LGMN: variants seen among roughly 807,000 people sequenced by gnomAD.
LGMN encodes legumain, also known as asparaginyl endopeptidase.
Under a neutral mutation model 56.8 loss-of-function variants are expected in LGMN, and 36 were observed. The ratio of observed to expected loss-of-function variants is 0.63; its 90% CI spans 0.49 to 0.84. LGMN has a LOEUF of 0.84. LGMN is among the 40% of genes least tolerant of loss of function. LGMN has a pLI of 0.00. For synonymous variants in LGMN, 199 were observed against 210.1 expected (o/e 0.95, Z 0.46); for missense variants, 446 against 556.1 (o/e 0.80, Z 1.99).
intron 1 of LGMN, among the ~76,000 whole-genome samples, chr14:92,737,569 A>G (rs1431949112): frequency 6.6e-6 from 1 of 152,132 alleles, no homozygotes; most frequent in African/African-American, 2.4e-5. Flanking sequence ...TGGACACCCC[A>G]CCTTGCTTGC....
At chr14:92,718,171 AGTC>A (rs1313350926) in intron 3 of LGMN, among the ~76,000 whole-genome samples, 1 of 152,178 alleles carries the variant, frequency 6.6e-6, no homozygotes, top group Admixed American at 6.5e-5. Flanking sequence ...GAATCCAACA[AGTC>A]CTCGAAGGTG....
intron 12 of LGMN, among the ~76,000 whole-genome samples, chr14:92,705,974 C>A (rs894739497): frequency 6.6e-6 from 1 of 152,140 alleles, no homozygotes; most frequent in Non-Finnish European, 1.5e-5. Flanking sequence ...GAGAAACAGA[C>A]CTGTAGGCCA....
intron 1 of LGMN, among the ~76,000 whole-genome samples, chr14:92,734,151 C>T (rs1345870926): frequency 6.6e-6 from 1 of 152,182 alleles, no homozygotes; most frequent in Non-Finnish European, 1.5e-5. Context: ...ACCATCTGTA[C>T]AACATGCAGG....
rs182056657 is a variant in LGMN at position 92,716,056 on chromosome 14, C to T, written c.404+80G>A. 63 of 951,884 alleles carry T rather than the reference C, an allele frequency of 6.6e-5. No homozygotes were observed. The East Asian group carries it at 1.5e-3, about 23-fold the overall frequency. The allele number at this position is 951,884 out of a possible 1,614,324, so 59.0% of individuals were successfully genotyped here. ...CTCACAGGTAAACAGGCTAGGGGCA[C>T]AGAACAACACCTGTTTCAATTCTCT... On this transcript the variant is annotated intron_variant, in intron 5 of 13. Transcript: ENST00000334869.
chr14:92,723,703 A>G (rs79235052), intron 2 of LGMN, among the ~76,000 whole-genome samples: 2,885 of 152,098 alleles, frequency 0.019, 99 homozygotes, highest in African/African-American at 0.066. Context: ...CAGTTGCCTG[A>G]GGCTAGAGGT....
chr14:92,748,069 C>T (rs540448750), intron 1 of LGMN, among the ~76,000 whole-genome samples: 1 of 152,212 alleles, frequency 6.6e-6, no homozygotes, highest in Admixed American at 6.5e-5. Context: ...AGCCCTTTCC[C>T]ACGGGTGCAA....
At chr14:92,709,592 G>A in intron 11 of LGMN, 80 bp downstream of exon 11, 3 of 1,122,166 alleles carry the variant, frequency 2.7e-6, no homozygotes, top group Non-Finnish European at 4.0e-6. Context: ...GGGAGCATAG[G>A]AGGCAGGGCC....
At position 92,716,171 on chromosome 14, in the gene LGMN, T is replaced by C; in HGVS notation, c.369A>G (p.Ala123=). ...FLAVLRGDAE[A]VKGIGSGKVL... The stretch of plus-strand genomic sequence containing the variant: ...CTTTGCCGGATCCTATGCCCTTCAC[T>C]GCTTCTGCATCGCCTCTCAACACAG... The change falls in exon 5 of 14, where the codon GCA becomes GCG. Residue 123 remains alanine, a synonymous_variant. Transcript: ENST00000334869. The C allele has an allele frequency of 6.2e-7, 1 of 1,613,564 alleles. No individual in the cohort carries two copies. Among genetic ancestry groups the C allele is most frequent in the Non-Finnish European group, 8.5e-7 (1 of 1,179,562 alleles).
chr14:92,735,808 T>C (rs1331975925), intron 1 of LGMN, among the ~76,000 whole-genome samples: 1 of 152,058 alleles, frequency 6.6e-6, no homozygotes, highest in Admixed American at 6.5e-5. Context: ...TTCAGGTTTT[T>C]TTTTTTCTTG....
chr14:92,721,137 C>T (rs184360121), intron 2 of LGMN, among the ~76,000 whole-genome samples: 239 of 152,262 alleles, frequency 1.6e-3, no homozygotes, highest in African/African-American at 5.4e-3. Flanking sequence ...AGCGATCCTC[C>T]CACCTTGGAT....
intron 3 of LGMN, among the ~76,000 whole-genome samples, 196 bp from the exon 4 acceptor site, chr14:92,717,657 C>G (rs1890139203): frequency 6.6e-6 from 1 of 152,174 alleles, no homozygotes; most frequent in African/African-American, 2.4e-5. Flanking sequence ...CCCAAGAGCT[C>G]TTGGCAGAGG....
intron 4 of LGMN, among the ~76,000 whole-genome samples, chr14:92,716,779 T>C (rs1384063203): frequency 6.6e-6 from 1 of 152,216 alleles, no homozygotes; most frequent in Admixed American, 6.5e-5. Flanking sequence ...GATAAAAGTT[T>C]CTTATCAAAA....
intron 1 of LGMN, among the ~76,000 whole-genome samples, chr14:92,740,130 C>A (rs958372056): frequency 9.2e-5 from 14 of 152,246 alleles, no homozygotes; most frequent in Non-Finnish European, 1.5e-5. Flanking sequence ...TGCCTGTAAT[C>A]CCAGCTACTC....
At chr14:92,719,266 G>GCCGCCGCCA (rs1890290672) in intron 2 of LGMN, among the ~76,000 whole-genome samples, 2 of 9,904 alleles carry the variant, frequency 2.0e-4, no homozygotes, top group East Asian at 3.8e-3. Context: ...CACCGCCACC[G>GCCGCCGCCA]CCGCCGCCGC....
chr14:92,708,970 G>A (rs1889594246), intron 11 of LGMN, among the ~76,000 whole-genome samples: 1 of 151,366 alleles, frequency 6.6e-6, no homozygotes, highest in South Asian at 2.1e-4. Context: ...AGTTGGCTTT[G>A]TGGGAAGGGA....
At position 92,704,094 on chromosome 14, in the gene LGMN, T is replaced by C. The variant is rs562124809; in HGVS notation, c.*225A>G. The stretch of plus-strand genomic sequence containing the variant: ...AGAAAGCAAATATGACCCTTCTCAA[T>C]ACAGAGCTTTTCCCACCCTAATTTG... On this transcript the variant is annotated 3_prime_UTR_variant, in exon 14 of 14. Transcript: ENST00000334869. 2.8e-6 allele frequency: 2 copies of C among 707,432 alleles called. No individual in the cohort carries two copies. Among genetic ancestry groups the C allele is most frequent in the South Asian group, 1.5e-5 (1 of 67,052 alleles). 43.8% of individuals were successfully genotyped at this position (707,432 alleles called of 1,614,324 possible).
At position 92,716,213 on chromosome 14, in the gene LGMN, G is replaced by A; in HGVS notation, c.327C>T (p.Thr109=). Residue 109 remains threonine (T), a synonymous_variant, in exon 5 of 14, where the codon ACC becomes ACT. Coordinates refer to ENST00000334869, the MANE Select transcript of LGMN (RefSeq NM_005606.7). Reference sequence around the variant, plus strand: ...TCAACACAGCAAGGAAATTTTGTGGGGTAACATCCTACAAAGAATTAGGAG... The same window carrying A: ...TCAACACAGCAAGGAAATTTTGTGGAGTAACATCCTACAAAGAATTAGGAG... ...VPKDYTGEDV[T]PQNFLAVLRG... is the part of the protein sequence containing the mutation. 1 of 1,612,516 alleles carries A rather than the reference G, an allele frequency of 6.2e-7. No individual in the cohort carries two copies. Among genetic ancestry groups the A allele is most frequent in the Non-Finnish European group, 8.5e-7 (1 of 1,178,664 alleles).
At chr14:92,730,347 C>T (rs1890988210) in intron 2 of LGMN, among the ~76,000 whole-genome samples, 1 of 152,206 alleles carries the variant, frequency 6.6e-6, no homozygotes. Flanking sequence ...GTTATTCATT[C>T]ATTCCGTGAA....
At chr14:92,731,880 C>G (rs2140261403) in intron 2 of LGMN, among the ~76,000 whole-genome samples, 1 of 152,362 alleles carries the variant, frequency 6.6e-6, no homozygotes, top group East Asian at 1.9e-4. Context: ...CAGACTCTTT[C>G]CCAAGGTGGT....
Sources: allele counts gnomAD v4.1 joint callset (sites outside exome capture counted in the v4.1 genomes callset), GRCh38; gene constraint gnomAD v4.1.1; transcripts MANE v1.5; gene names NCBI Gene and HGNC (gene_info 2026-07-23, HGNC 2026-07-21).